The following PEX10 variants were observed in gnomAD, a reference collection of about 807,000 sequenced individuals.
PEX10 encodes peroxisome biogenesis factor 10.
In PEX10, 32 loss-of-function variants were observed where a neutral mutation model predicts 38.0. The observed-to-expected ratio is 0.84, with a 90% CI of 0.63 to 1.13. PEX10 has a LOEUF of 1.13. Ranked by LOEUF, PEX10 falls within the 50% of genes most tolerant of loss-of-function variation. The pLI, the probability that PEX10 is intolerant of heterozygous loss-of-function variation, is 0.00. For missense variants in PEX10, 483 were observed against 457.7 expected, an observed-to-expected ratio of 1.06 and a Z score of -0.51; for synonymous variants, 206 against 207.3, an observed-to-expected ratio of 0.99 and a Z score of 0.05.
chr1:2,411,180 ATGCCTTTAACGAC>A (rs989795610), intron 1 of PEX10, among the ~76,000 whole-genome samples: 1 of 148,278 alleles, frequency 6.7e-6, no homozygotes, highest in African/African-American at 2.5e-5. Flanking sequence ...CTGGGAGTTC[ATGCCTTTAACGAC>A]TGCCTGCCCC....
intron 1 of PEX10, 28 bp downstream of exon 1, chr1:2,412,363 A>C (rs1222097890): frequency 9.6e-6 from 13 of 1,354,500 alleles, no homozygotes; most frequent in African/African-American, 6.2e-5. Flanking sequence ...GCCGCTCGCG[A>C]GGACGTCCGG....
At chr1:2,408,310 G>T in intron 3 of PEX10, 142 bp downstream of exon 3, 1 of 902,182 alleles carries the variant, frequency 1.1e-6, no homozygotes, top group East Asian at 2.5e-5. Flanking sequence ...CAGAGGATTT[G>T]GGTTCCTGCC....
chr1:2,413,211 C>T (rs529798731), upstream of PEX10, among the ~76,000 whole-genome samples: 1 of 152,342 alleles, frequency 6.6e-6, no homozygotes, highest in South Asian at 2.1e-4. Context: ...CCCCCTGGTG[C>T]CCACGGGAGG....
chr1:2,406,033 G>A (rs1419344898), intron 5 of PEX10, among the ~76,000 whole-genome samples, 199 bp from the exon 6 acceptor site: 4 of 152,212 alleles, frequency 2.6e-5, no homozygotes, highest in African/African-American at 4.8e-5. Flanking sequence ...GGCTGGGGGC[G>A]TAGGGCTCAG....
chr1:2,410,197 C>G lies in PEX10; in HGVS notation c.193+174G>C. The G allele has an allele frequency of 1.5e-6, 1 of 658,272 alleles. No homozygotes were observed. The highest frequency in any genetic ancestry group is 1.6e-5 in the South Asian group (1 of 61,894). The allele number at this position is 658,272 out of a possible 1,614,324, so 40.8% of individuals were successfully genotyped here. ...AAAGGCTGGAAAAGTCGGCTCCCTGCTGGGAGCAGATGCCTCGCCTCCCTC... is the reference window on the plus strand; with the variant it reads ...AAAGGCTGGAAAAGTCGGCTCCCTGGTGGGAGCAGATGCCTCGCCTCCCTC... On this transcript the variant is annotated intron_variant, in intron 2 of 5. Transcript: ENST00000447513. This position sits in a 1 kb window ranked among gnomAD's most constrained non-coding sequence, Gnocchi z 5.1.
In PEX10 at chr1:2,405,389, T is replaced by C; in HGVS notation, c.*377A>G. 1 of 382,510 alleles carries C rather than the reference T, an allele frequency of 2.6e-6. No individual in the cohort carries two copies. Among genetic ancestry groups the C allele is most frequent in the South Asian group, 2.1e-5 (1 of 47,390 alleles). 23.7% of individuals were successfully genotyped at this position (382,510 alleles called of 1,614,324 possible). ...GTCCATTGCCTTAACACAAGCCTGATGGGGCTGTTTTCTCACAATATAAAC... is the reference window on the plus strand; with the variant it reads ...GTCCATTGCCTTAACACAAGCCTGACGGGGCTGTTTTCTCACAATATAAAC... On this transcript the variant is annotated 3_prime_UTR_variant, in exon 6 of 6. Transcript: ENST00000447513.
chr1:2,413,412 C>T (rs1298602833), upstream of PEX10, among the ~76,000 whole-genome samples: 1 of 152,238 alleles, frequency 6.6e-6, no homozygotes, highest in Non-Finnish European at 1.5e-5. Context: ...AAGCACTTGC[C>T]AAGGCCGCAC....
At chr1:2,412,716 G>A (rs536485197), upstream of PEX10, 296 of 354,510 alleles carry the variant, frequency 8.3e-4, 1 homozygote, top group African/African-American at 5.6e-3. Flanking sequence ...CGGGGCAGCG[G>A]GAAGGTAGTC....
Position 2,404,753 on chromosome 1 carries a change from C to G in PEX10, c.*1013G>C, listed in dbSNP as rs144627253. 6.6e-6 allele frequency: 1 copy of G among 152,304 alleles called. No individual in the cohort carries two copies. Among genetic ancestry groups the G allele is most frequent in the Non-Finnish European group, 1.5e-5 (1 of 68,058 alleles). 9.4% of individuals were successfully genotyped at this position (152,304 alleles called of 1,614,324 possible). Reference sequence around the variant, plus strand: ...AGCAGGGAAATGTGGCACACGCCCTCGAGGCATTTTAACACTGCGCTTCAG... The same window carrying G: ...AGCAGGGAAATGTGGCACACGCCCTGGAGGCATTTTAACACTGCGCTTCAG... On this transcript the variant is annotated 3_prime_UTR_variant, in exon 6 of 6. Transcript: ENST00000447513.
chr1:2,408,325 C>T (rs1643075105), intron 3 of PEX10, 127 bp downstream of exon 3: 1 of 1,053,796 alleles, frequency 9.5e-7, no homozygotes, highest in Admixed American at 1.8e-5. Flanking sequence ...CCTGCCTTGA[C>T]ACAGATGCTG....
At chr1:2,406,330 T>C (rs551046093) in intron 5 of PEX10, among the ~76,000 whole-genome samples, 154 bp downstream of exon 5, 26 of 152,314 alleles carry the variant, frequency 1.7e-4, no homozygotes, top group Admixed American at 5.2e-4. Flanking sequence ...AACCCACATC[T>C]GACCTACCTG....
At chr1:2,408,395 C>T (rs1450016694) in intron 3 of PEX10, 57 bp downstream of exon 3, 4 of 1,591,608 alleles carry the variant, frequency 2.5e-6, no homozygotes, top group African/African-American at 1.3e-5. Context: ...GCACCCAAGT[C>T]CAGTGGGGGT....
upstream of PEX10, among the ~76,000 whole-genome samples, chr1:2,413,107 G>C (rs1466660923): frequency 1.3e-5 from 2 of 152,250 alleles, no homozygotes; most frequent in African/African-American, 4.8e-5. Flanking sequence ...GGCCAGAGGG[G>C]CACGAGGCGA....
Position 2,410,380 on chromosome 1 carries a change from T to A in PEX10, c.184A>T (p.Thr62Ser). 2 of 1,613,940 alleles carry A rather than the reference T, an allele frequency of 1.2e-6. No homozygotes were observed. Among genetic ancestry groups the A allele is most frequent in the South Asian group, 1.1e-5 (1 of 91,080 alleles). ...CCGTGGGAGCTTCTACCTGCAAGTG[T>A]GGTGAGGCCAAAGTAGGCCACATCT... ...LSDVAYFGLTTLAGYQTLGEE... is the reference protein window; with the variant it reads ...LSDVAYFGLTSLAGYQTLGEE... Residue 62 changes from threonine (T) to serine (S), a missense_variant, in exon 2 of 6, where the codon ACA becomes TCA. Thr to Ser is a moderately conservative substitution (Grantham distance 58). Transcript: ENST00000447513. The surrounding 1 kb of genome is among the most constrained non-coding windows in gnomAD (Gnocchi z 5.1).
chr1:2,405,324 C>A lies in PEX10; in HGVS notation c.*442G>T. ...CACTGCACTGGCTGAAGCAACCCGC[C>A]AGCCTCCGTGCCCCACCCCACCCAG... On this transcript the variant is annotated 3_prime_UTR_variant, in exon 6 of 6. Transcript: ENST00000447513. 1 of 330,908 alleles carries A rather than the reference C, an allele frequency of 3.0e-6. No homozygotes were observed. Among genetic ancestry groups the A allele is most frequent in the Non-Finnish European group, 5.9e-6 (1 of 170,340 alleles). 20.5% of individuals were successfully genotyped at this position (330,908 alleles called of 1,614,324 possible).
chr1:2,410,239 C>T lies in PEX10; in HGVS notation c.193+132G>A. On this transcript the variant is annotated intron_variant, in intron 2 of 5. Transcript: ENST00000447513. The surrounding 1 kb of genome is among the most constrained non-coding windows in gnomAD (Gnocchi z 5.1). The stretch of plus-strand genomic sequence containing the variant: ...GCCTCCCTCGGAGCAGTACCTCCTG[C>T]ACTTCCCTGAAGCAACCTCACCCGG... The T allele has an allele frequency of 2.6e-6, 2 of 778,410 alleles. No individual in the cohort carries two copies. The highest frequency in any genetic ancestry group is 1.4e-5 in the South Asian group (1 of 69,036). The allele number at this position is 778,410 out of a possible 1,614,324, so 48.2% of individuals were successfully genotyped here.
rs1179833120 is a variant in PEX10, at chr1:2,409,847, C to T, written c.193+524G>A. ...CTGTGACGCAGCCACATCTGTCTCC[C>T]GCCCACCGAGCACACTCTCCATGGC... is the stretch of plus-strand genomic sequence containing the variant. On this transcript the variant is annotated intron_variant, in intron 2 of 5. Coordinates refer to ENST00000447513, the MANE Select transcript of PEX10 (RefSeq NM_002617.4). This position sits in a 1 kb window ranked among gnomAD's most constrained non-coding sequence, Gnocchi z 6.2. 9 of 165,774 alleles carry T rather than the reference C, an allele frequency of 5.4e-5. No homozygotes were observed. Among genetic ancestry groups the T allele is most frequent in the African/African-American group, 7.2e-5 (3 of 41,768 alleles). 10.3% of individuals were successfully genotyped at this position (165,774 alleles called of 1,614,324 possible).
chr1:2,404,809 C>G lies in PEX10; in HGVS notation c.*957G>C, dbSNP rs533795387. 6.6e-6 allele frequency: 1 copy of G among 152,458 alleles called. No individual in the cohort carries two copies. Among genetic ancestry groups the G allele is most frequent in the South Asian group, 2.1e-4 (1 of 4,834 alleles). The allele number at this position is 152,458 out of a possible 1,614,324, so 9.4% of individuals were successfully genotyped here. A position where few individuals can be genotyped will look rare whatever the true frequency, so the allele number is the denominator to read the frequency against. On this transcript the variant is annotated 3_prime_UTR_variant, in exon 6 of 6. Coordinates refer to ENST00000447513, the MANE Select transcript of PEX10 (RefSeq NM_002617.4). Reference sequence around the variant, plus strand: ...CTCAAGTTCCATCTTGTGTTAGTAACGTACCCACATTTTGCTGGAGTTAGT... The same window carrying G: ...CTCAAGTTCCATCTTGTGTTAGTAAGGTACCCACATTTTGCTGGAGTTAGT...
At chr1:2,413,493 G>C (rs1045808785), upstream of PEX10, 1 of 152,640 alleles carries the variant, frequency 6.6e-6, no homozygotes, top group African/African-American at 2.4e-5. Context: ...GGGTGGGAAG[G>C]GCTGGGGCGG....
Sources: allele counts gnomAD v4.1 joint callset (sites outside exome capture counted in the v4.1 genomes callset), GRCh38; gene constraint gnomAD v4.1.1; non-coding constraint Gnocchi (gnomAD v3.1); transcripts MANE v1.5; gene names NCBI Gene and HGNC (gene_info 2026-07-23, HGNC 2026-07-21).